MAP4K3: variants seen among roughly 807,000 people sequenced by gnomAD.
The protein encoded by MAP4K3 is mitogen-activated protein kinase kinase kinase kinase 3.
Under a neutral mutation model 143.5 loss-of-function variants are expected in MAP4K3, and 94 were observed. The observed-to-expected ratio is 0.65, with a 90% CI of 0.55 to 0.78. The LOEUF (loss-of-function observed/expected upper bound fraction) is 0.78, where lower values mean the gene tolerates loss of function less well. Among genes scored for constraint, MAP4K3 ranks in the 30% least tolerant of loss-of-function variants. The pLI, the probability that MAP4K3 is intolerant of heterozygous loss-of-function variation, is 0.00. For missense variants in MAP4K3, 1,077 were observed against 1,068.1 expected (o/e 1.01, Z -0.12); for synonymous variants, 416 against 347.2 (o/e 1.20, Z -2.20).
chr2:39,299,989 G>C (rs2148488654), intron 15 of MAP4K3, 188 bp from the exon 16 acceptor site: 1 of 340,384 alleles, frequency 2.9e-6, no homozygotes, highest in South Asian at 1.5e-4. Flanking sequence ...TTTATTATTT[G>C]AGTGTTTTTC....
chr2:39,284,362 T>A (rs373754045), intron 21 of MAP4K3, among the ~76,000 whole-genome samples: 3 of 152,010 alleles, frequency 2.0e-5, no homozygotes, highest in Non-Finnish European at 4.4e-5. Flanking sequence ...GGTTTTACCA[T>A]GTTGGCGAGG....
Position 39,437,011 on chromosome 2 carries a change from C to A in MAP4K3, c.-24G>T. The A allele has an allele frequency of 6.2e-7, 1 of 1,600,312 alleles. No homozygotes were observed. Among genetic ancestry groups the A allele is most frequent in the Non-Finnish European group, 8.5e-7 (1 of 1,172,200 alleles). On this transcript the variant is annotated 5_prime_UTR_variant, in exon 1 of 34. The change creates a new upstream start codon in the 5' untranslated region. Coordinates refer to ENST00000263881, the MANE Select transcript of MAP4K3 (RefSeq NM_003618.4). ...ATGGCGGGCCCCAGGTGCCCCCCGC[C>A]TCCCTCCCGGGCAGGGGAGGGGGGC...
rs536915868 is a variant in MAP4K3 at position 39,308,060 on chromosome 2, A to C, written c.1057-55T>G. On this transcript the variant is annotated intron_variant, in intron 14 of 33. Coordinates refer to ENST00000263881, the MANE Select transcript of MAP4K3 (RefSeq NM_003618.4). ...TATTTACGCTTAGACTAAAAGCCAC[A>C]AATTCACAAAGGGAAACTTTCACAA... 111 of 1,243,530 alleles carry C rather than the reference A, an allele frequency of 8.9e-5. No individual in the cohort carries two copies. The East Asian group carries it at 2.1e-3, about 24-fold the overall frequency. 77.0% of individuals were successfully genotyped at this position (1,243,530 alleles called of 1,614,324 possible). A position where few individuals can be genotyped will look rare whatever the true frequency, so the allele number is the denominator to read the frequency against.
At chr2:39,259,048 T>C (rs1680457162) in intron 29 of MAP4K3, among the ~76,000 whole-genome samples, 1 of 150,072 alleles carries the variant, frequency 6.7e-6, no homozygotes, top group African/African-American at 2.4e-5. Context: ...GCCGAAATGC[T>C]GTGGTGTGAT....
chr2:39,384,051 C>G (rs1260627750), intron 1 of MAP4K3, among the ~76,000 whole-genome samples: 1 of 151,288 alleles, frequency 6.6e-6, no homozygotes. Context: ...GAGATCAAGG[C>G]TGCAGTGAGC....
At chr2:39,401,309 A>T (rs1385102384) in intron 1 of MAP4K3, among the ~76,000 whole-genome samples, 1 of 152,168 alleles carries the variant, frequency 6.6e-6, no homozygotes, top group East Asian at 1.9e-4. Context: ...GAGCAGAGTC[A>T]CCAGAAAGGA....
chr2:39,401,473 G>C (rs1018811335), intron 1 of MAP4K3, among the ~76,000 whole-genome samples: 27 of 152,270 alleles, frequency 1.8e-4, no homozygotes, highest in African/African-American at 6.5e-4. Flanking sequence ...TAGGCTACCA[G>C]CTGCTCTGTT....
intron 13 of MAP4K3, among the ~76,000 whole-genome samples, chr2:39,310,908 T>C (rs747031249): frequency 6.6e-5 from 10 of 152,188 alleles, no homozygotes; most frequent in Non-Finnish European, 1.3e-4. Context: ...TGGCCATTTG[T>C]ATGTCAGCTG....
At chr2:39,290,395 TATA>T in intron 18 of MAP4K3, 61 bp from the exon 19 acceptor site, 1 of 1,088,964 alleles carries the variant, frequency 9.2e-7, no homozygotes, top group Admixed American at 2.4e-5. Flanking sequence ...AATCCTAAAA[TATA>T]ATAATTTTTT....
intron 2 of MAP4K3, among the ~76,000 whole-genome samples, chr2:39,362,887 A>G (rs960790011): frequency 3.3e-5 from 5 of 152,210 alleles, no homozygotes; most frequent in African/African-American, 1.2e-4. Flanking sequence ...AACCCAAAAT[A>G]AACACATGCA....
chr2:39,331,913 T>C lies in MAP4K3; in HGVS notation c.530+4A>G, dbSNP rs1349946237. 6.5e-7 allele frequency: 1 copy of C among 1,545,528 alleles called. No homozygotes were observed. Among genetic ancestry groups the C allele is most frequent in the African/African-American group, 1.4e-5 (1 of 73,832 alleles). ...GTATTAAATATCAATTAAAATACAA[T>C]TACCAATATGGTGTGCCAATGAAAG... On this transcript the variant is annotated splice_donor_region_variant and intron_variant, in intron 8 of 33. Coordinates refer to ENST00000263881, the MANE Select transcript of MAP4K3 (RefSeq NM_003618.4).
chr2:39,366,277 TGGGG>T (rs1461013388), intron 2 of MAP4K3, among the ~76,000 whole-genome samples: 1 of 23,656 alleles, frequency 4.2e-5, no homozygotes, highest in African/African-American at 1.7e-4. Flanking sequence ...GGTGGTGGGG[TGGGG>T]GTGGAGGTGG....
intron 1 of MAP4K3, among the ~76,000 whole-genome samples, chr2:39,421,734 C>T (rs545419306): frequency 7.8e-4 from 118 of 152,228 alleles, no homozygotes; most frequent in Non-Finnish European, 1.2e-3. Flanking sequence ...TTCTCCAATA[C>T]AAATCATTTG....
At chr2:39,432,887 A>G (rs1258566786) in intron 1 of MAP4K3, among the ~76,000 whole-genome samples, 1 of 152,236 alleles carries the variant, frequency 6.6e-6, no homozygotes, top group Non-Finnish European at 1.5e-5. Flanking sequence ...CGTGCTTCAG[A>G]GGGAATGGCT....
Position 39,338,939 on chromosome 2 carries a change from G to C in MAP4K3, c.311-1358C>G, listed in dbSNP as rs1427768514. 2.6e-5 allele frequency among the ~76,000 whole-genome samples: 4 copies of C among 152,158 alleles called. No homozygotes were observed. The South Asian group carries it at 8.3e-4, about 32-fold the overall frequency. ...GAAGTGTGAGAAATAAATTTCTGTT[G>C]TTTATAAATTACTCAGTCTCAGGCA... On this transcript the variant is annotated intron_variant, in intron 4 of 33. Transcript: ENST00000263881.
chr2:39,282,647 A>G (rs1681587749), intron 21 of MAP4K3, 93 bp from the exon 22 acceptor site: 1 of 829,250 alleles, frequency 1.2e-6, no homozygotes, highest in Non-Finnish European at 2.0e-6. Context: ...AATAAAATAC[A>G]TGAATACATT....
At chr2:39,428,238 G>A (rs931873835) in intron 1 of MAP4K3, among the ~76,000 whole-genome samples, 5 of 152,126 alleles carry the variant, frequency 3.3e-5, no homozygotes, top group African/African-American at 1.2e-4. Flanking sequence ...AAACAACCTA[G>A]CAGTGTTATT....
intron 4 of MAP4K3, among the ~76,000 whole-genome samples, chr2:39,339,659 C>T (rs890346099): frequency 6.6e-6 from 1 of 152,076 alleles, no homozygotes; most frequent in African/African-American, 2.4e-5. Flanking sequence ...AAGGTGTAGA[C>T]AAGCACGACG....
chr2:39,380,003 A>G (rs973714803), intron 1 of MAP4K3, among the ~76,000 whole-genome samples: 1 of 152,152 alleles, frequency 6.6e-6, no homozygotes, highest in East Asian at 1.9e-4. Flanking sequence ...TGAGTGGTTT[A>G]CCAAGGTCAA....
Sources: gnomAD v4.1 joint callset for allele counts (sites outside exome capture counted in the v4.1 genomes callset) on GRCh38, gnomAD v4.1.1 for gene constraint, MANE v1.5 for transcripts, NCBI Gene and HGNC (gene_info 2026-07-23, HGNC 2026-07-21) for gene names.